NFAM1: variants seen among roughly 807,000 people sequenced by gnomAD.
The protein encoded by NFAM1 is NFAT activation molecule 1.
Under a neutral mutation model 29.0 loss-of-function variants are expected in NFAM1, and 17 were observed. That is an observed-to-expected ratio of 0.59 (90% CI 0.40 to 0.88). NFAM1 has a LOEUF of 0.88. Ranked by LOEUF, NFAM1 falls within the 40% of genes least tolerant of loss-of-function variation. The pLI is 0.00. For missense variants in NFAM1, 324 were observed against 344.6 expected (o/e 0.94, Z 0.47); for synonymous variants, 175 against 147.2 (o/e 1.19, Z -1.36).
In NFAM1 at chr22:42,409,834, G is replaced by A. The variant is rs987448641; in HGVS notation, c.452-287C>T. On this transcript the variant is annotated intron_variant, in intron 2 of 5. Coordinates refer to ENST00000329021, the MANE Select transcript of NFAM1 (RefSeq NM_145912.8). This position sits in a 1 kb window ranked among gnomAD's most constrained non-coding sequence, Gnocchi z 4.9. ...GTGGGCTGCTTGTAGGGCCCTGAGC[G>A]AGATGTCTCCCCTCTCGGGGCCTCT... is the stretch of plus-strand genomic sequence containing the variant. Among the ~76,000 whole-genome samples, 3 of 152,198 alleles carry A rather than the reference G, an allele frequency of 2.0e-5. No individual in the cohort carries two copies. Among genetic ancestry groups the A allele is most frequent in the African/African-American group, 4.8e-5 (2 of 41,452 alleles).
rs1491236869 is a variant in NFAM1, at chr22:42,419,989, G to GTTTTTTTTTTTTTTTTTTT, written c.122-8254_122-8253insAAAAAAAAAAAAAAAAAAA. 1.4e-4 allele frequency among the ~76,000 whole-genome samples: 8 copies of GTTTTTTTTTTTTTTTTTTT among 56,528 alleles called. 3 individuals carry two copies. Among genetic ancestry groups the GTTTTTTTTTTTTTTTTTTT allele is most frequent in the African/African-American group, 3.0e-4 (4 of 13,500 alleles). 37.1% of individuals were successfully genotyped at this position (56,528 alleles called of 152,430 possible). A position where few individuals can be genotyped will look rare whatever the true frequency, so the allele number is the denominator to read the frequency against. Reference sequence around the variant, plus strand: ...CCTTTGAGTCTGTAATCCCACTCTTGGTTTTTTTTTTTTTTTTTTTTTTTT... The same window carrying GTTTTTTTTTTTTTTTTTTT: ...CCTTTGAGTCTGTAATCCCACTCTTGTTTTTTTTTTTTTTTTTTTGTTTTTTTTTTTTTTTTTTTTTTTT... On this transcript the variant is annotated intron_variant, in intron 1 of 5. Transcript: ENST00000329021. This position sits in a 1 kb window ranked among gnomAD's most constrained non-coding sequence, Gnocchi z 4.5.
chr22:42,393,793 T>C (rs1312741604), intron 4 of NFAM1, among the ~76,000 whole-genome samples: 1 of 152,136 alleles, frequency 6.6e-6, no homozygotes, highest in African/African-American at 2.4e-5. Context: ...GTTTTGAATG[T>C]CTAATTATAT....
intron 1 of NFAM1, among the ~76,000 whole-genome samples, chr22:42,430,324 C>T (rs1242803307): frequency 6.6e-6 from 1 of 152,180 alleles, no homozygotes; most frequent in Non-Finnish European, 1.5e-5. Flanking sequence ...CTTTGGGAGG[C>T]TGAGGCGGGC....
chr22:42,404,668 C>T (rs1929833465), intron 3 of NFAM1, among the ~76,000 whole-genome samples: 1 of 152,032 alleles, frequency 6.6e-6, no homozygotes. Flanking sequence ...CCAGCCTGGC[C>T]AACATGGTGA....
In NFAM1 at chr22:42,399,584, T is replaced by C. The variant is rs150849821; in HGVS notation, c.565-1628A>G. Among the ~76,000 whole-genome samples, 13 of 152,112 alleles carry C rather than the reference T, an allele frequency of 8.5e-5. No homozygotes were observed. The East Asian group carries it at 1.5e-3, about 18-fold the overall frequency. ...CTGCATGAAGAGCATAGGAAACATCTGAGGGCTCGAAGTGGGAGCGCCAGG... is the reference window on the plus strand; with the variant it reads ...CTGCATGAAGAGCATAGGAAACATCCGAGGGCTCGAAGTGGGAGCGCCAGG... On this transcript the variant is annotated intron_variant, in intron 3 of 5. Coordinates refer to ENST00000329021, the MANE Select transcript of NFAM1 (RefSeq NM_145912.8).
intron 4 of NFAM1, among the ~76,000 whole-genome samples, chr22:42,389,945 G>T (rs1302339295): frequency 6.6e-6 from 1 of 152,168 alleles, no homozygotes; most frequent in Admixed American, 6.5e-5. Context: ...GTTCGGGAAG[G>T]AACACACTCC....
At chr22:42,386,919 C>T (rs1929165154) in intron 5 of NFAM1, 70 bp downstream of exon 5, 1 of 829,418 alleles carries the variant, frequency 1.2e-6, no homozygotes, top group Admixed American at 2.8e-5. Flanking sequence ...CATTTGCCCC[C>T]CCACTTCACC....
chr22:42,386,697 C>T (rs1203261954), intron 5 of NFAM1, among the ~76,000 whole-genome samples: 7 of 152,170 alleles, frequency 4.6e-5, no homozygotes, highest in Admixed American at 3.9e-4. Flanking sequence ...TACATTCTAC[C>T]CTCACTGAAC....
intron 1 of NFAM1, among the ~76,000 whole-genome samples, chr22:42,420,201 G>T (rs1448026540): frequency 6.6e-6 from 1 of 151,510 alleles, no homozygotes; most frequent in Non-Finnish European, 1.5e-5. Context: ...GTAGAGGTGG[G>T]GTTTCACCAT....
At chr22:42,436,823 G>C, upstream of NFAM1, 1 of 203,534 alleles carries the variant, frequency 4.9e-6, no homozygotes, top group Non-Finnish European at 8.7e-6. Flanking sequence ...AGACGCAGTG[G>C]AACAAGGGCT....
At position 42,388,088 on chromosome 22, in the gene NFAM1, G is replaced by C. The variant is rs1396942398; in HGVS notation, c.664-1010C>G. On this transcript the variant is annotated intron_variant, in intron 4 of 5. Transcript: ENST00000329021. The surrounding 1 kb of genome is among the most constrained non-coding windows in gnomAD (Gnocchi z 4.1). ...TGGTAAGGGGGCTTCCCCGTCACTC[G>C]GGTGTGTCCTAGGCCCACTCACTCT... is the stretch of plus-strand genomic sequence containing the variant. Among the ~76,000 whole-genome samples the C allele has an allele frequency of 6.6e-6, 1 of 152,194 alleles. No individual in the cohort carries two copies. The highest frequency in any genetic ancestry group is 2.1e-4 in the South Asian group (1 of 4,830).
chr22:42,389,428 T>G (rs1048335460), intron 4 of NFAM1, among the ~76,000 whole-genome samples: 3 of 152,142 alleles, frequency 2.0e-5, no homozygotes, highest in African/African-American at 7.2e-5. Context: ...ACCCGCTGGG[T>G]GCATTTATAT....
chr22:42,396,337 G>T (rs949230106), intron 4 of NFAM1, among the ~76,000 whole-genome samples: 1 of 152,126 alleles, frequency 6.6e-6, no homozygotes, highest in Non-Finnish European at 1.5e-5. Context: ...TAGCTGTATT[G>T]CTCCAATTAA....
chr22:42,402,887 G>A (rs1394996410), intron 3 of NFAM1, among the ~76,000 whole-genome samples: 1 of 144,378 alleles, frequency 6.9e-6, no homozygotes, highest in African/African-American at 2.6e-5. Flanking sequence ...CCAGGCTGGA[G>A]TGCAGTAGCG....
At chr22:42,395,015 A>G (rs1929470421) in intron 4 of NFAM1, among the ~76,000 whole-genome samples, 1 of 152,106 alleles carries the variant, frequency 6.6e-6, no homozygotes, top group Admixed American at 6.6e-5. Flanking sequence ...CTCTACAAAA[A>G]ATTAAAAAAT....
chr22:42,387,166 C>A (rs947612700), intron 4 of NFAM1, 88 bp from the exon 5 acceptor site: 15 of 730,804 alleles, frequency 2.1e-5, no homozygotes, highest in Admixed American at 6.2e-5. Flanking sequence ...CTGTTACACA[C>A]CCCACCGTGG....
intron 1 of NFAM1, among the ~76,000 whole-genome samples, chr22:42,425,962 G>A (rs1930608757): frequency 6.6e-6 from 1 of 152,170 alleles, no homozygotes; most frequent in South Asian, 2.1e-4. Flanking sequence ...GCCAGAGGGG[G>A]TACTACAGAA....
chr22:42,434,724 C>G (rs1930900320), upstream of NFAM1, among the ~76,000 whole-genome samples: 1 of 152,248 alleles, frequency 6.6e-6, no homozygotes, highest in African/African-American at 2.4e-5. Context: ...GTAAAGGCCC[C>G]AAAGGCTGAA....
chr22:42,381,357 T>C lies in NFAM1; in HGVS notation c.*3804A>G, dbSNP rs1928941659. ...GGTGGGGTTGGAGGCTGAAACCCATTGAAGGGGTCAACTTCCTAGAGGCAG... is the reference window on the plus strand; with the variant it reads ...GGTGGGGTTGGAGGCTGAAACCCATCGAAGGGGTCAACTTCCTAGAGGCAG... On this transcript the variant is annotated 3_prime_UTR_variant, in exon 6 of 6. Transcript: ENST00000329021. 6.5e-6 allele frequency: 1 copy of C among 152,920 alleles called. No individual in the cohort carries two copies. The highest frequency in any genetic ancestry group is 2.1e-4 in the South Asian group (1 of 4,826). The allele number at this position is 152,920 out of a possible 1,614,324, so 9.5% of individuals were successfully genotyped here.
Sources: allele counts gnomAD v4.1 joint callset (sites outside exome capture counted in the v4.1 genomes callset), GRCh38; gene constraint gnomAD v4.1.1; non-coding constraint Gnocchi (gnomAD v3.1); transcripts MANE v1.5; gene names NCBI Gene and HGNC (gene_info 2026-07-23, HGNC 2026-07-21).